CTNNA3: variants seen among roughly 807,000 people sequenced by gnomAD.
CTNNA3 encodes the protein catenin alpha-3.
A neutral mutation model predicts 95.7 loss-of-function variants in CTNNA3; 76 were observed. The observed-to-expected ratio is 0.79, with a 90% confidence interval of 0.66 to 0.96. The LOEUF is 0.96. CTNNA3 is among the 40% of genes least tolerant of loss of function. CTNNA3 has a pLI of 0.00. For missense variants in CTNNA3, 1,191 were observed against 1,089.8 expected, an observed-to-expected ratio of 1.09 and a Z score of -1.31; for synonymous variants, 431 against 374.4, an observed-to-expected ratio of 1.15 and a Z score of -1.74.
rs75735431 is a variant in CTNNA3 at position 67,343,801 on chromosome 10, G to C, written c.580-123931C>G. Among the ~76,000 whole-genome samples the C allele has an allele frequency of 3.1e-3, 464 of 151,708 alleles. 4 individuals are homozygous for C. Among genetic ancestry groups the C allele is most frequent in the African/African-American group, 0.011 (445 of 41,504 alleles). On this transcript the variant is annotated intron_variant, in intron 5 of 17. Coordinates refer to ENST00000433211, the MANE Select transcript of CTNNA3 (RefSeq NM_013266.4). ...TTCCAGTACTATGTTGAATAACAGT[G>C]GTGGAAGTGAGCATCTTTGTGTGTT...
intron 13 of CTNNA3, among the ~76,000 whole-genome samples, chr10:66,151,844 G>T (rs1369065285): frequency 1.3e-5 from 2 of 151,850 alleles, no homozygotes; most frequent in Non-Finnish European, 2.9e-5. Context: ...TTAAAATTAG[G>T]TTGAATAATA....
At chr10:66,727,036 T>C (rs769402915) in intron 9 of CTNNA3, among the ~76,000 whole-genome samples, 1 of 152,116 alleles carries the variant, frequency 6.6e-6, no homozygotes, top group East Asian at 1.9e-4. Flanking sequence ...TTAAATTTCA[T>C]AGATGTGTAA....
chr10:67,580,980 G>A (rs1842371666), intron 3 of CTNNA3, among the ~76,000 whole-genome samples: 1 of 151,768 alleles, frequency 6.6e-6, no homozygotes, highest in South Asian at 2.1e-4. Flanking sequence ...GGGTTTTCTA[G>A]ATATACAATC....
chr10:67,142,776 C>G (rs571801210), intron 7 of CTNNA3, among the ~76,000 whole-genome samples: 1 of 152,128 alleles, frequency 6.6e-6, no homozygotes, highest in Admixed American at 6.5e-5. Flanking sequence ...TAGTAAGATA[C>G]AAAAAATTAG....
chr10:67,751,490 AC>A, intron 1 of CTNNA3, among the ~76,000 whole-genome samples: 1 of 152,308 alleles, frequency 6.6e-6, no homozygotes, highest in African/African-American at 2.4e-5. Context: ...TCTGTCAAGC[AC>A]CAGAAACTCT....
At chr10:67,146,520 C>T (rs1860851579) in intron 7 of CTNNA3, among the ~76,000 whole-genome samples, 1 of 152,136 alleles carries the variant, frequency 6.6e-6, no homozygotes, top group South Asian at 2.1e-4. Context: ...CACATAAACC[C>T]ATCTCAGAGA....
chr10:66,906,097 T>C (rs954960991), intron 7 of CTNNA3, among the ~76,000 whole-genome samples: 1 of 152,196 alleles, frequency 6.6e-6, no homozygotes, highest in Non-Finnish European at 1.5e-5. Flanking sequence ...CAAATAGATC[T>C]ATGTAATAAT....
At chr10:67,738,832 A>C (rs1238265595) in intron 1 of CTNNA3, among the ~76,000 whole-genome samples, 1 of 152,170 alleles carries the variant, frequency 6.6e-6, no homozygotes, top group Admixed American at 6.5e-5. Context: ...AACTGGAAGA[A>C]AGGGTATCAG....
intron 17 of CTNNA3, among the ~76,000 whole-genome samples, chr10:65,932,812 A>G (rs1227619248): frequency 6.6e-6 from 1 of 152,092 alleles, no homozygotes. Context: ...ATCCTTCATC[A>G]TTGAACTTTG....
intron 13 of CTNNA3, among the ~76,000 whole-genome samples, chr10:66,133,751 A>G (rs2083230868): frequency 6.6e-6 from 1 of 152,168 alleles, no homozygotes; most frequent in Non-Finnish European, 1.5e-5. Flanking sequence ...GGTAATAAGG[A>G]TGAAATCTCA....
chr10:66,597,806 G>A (rs1236907344), intron 10 of CTNNA3, among the ~76,000 whole-genome samples: 1 of 151,612 alleles, frequency 6.6e-6, no homozygotes, highest in East Asian at 1.9e-4. Flanking sequence ...AAAAGATAAA[G>A]ACTTTTCCAG....
chr10:67,461,413 A>C (rs942710864), intron 5 of CTNNA3, among the ~76,000 whole-genome samples: 1 of 152,058 alleles, frequency 6.6e-6, no homozygotes. Context: ...TTCCTGACCT[A>C]CTTAGCTTGT....
chr10:67,299,728 A>G (rs1391032653), intron 5 of CTNNA3, among the ~76,000 whole-genome samples: 1 of 152,202 alleles, frequency 6.6e-6, no homozygotes, highest in Non-Finnish European at 1.5e-5. Flanking sequence ...ATGTTTAGAG[A>G]TGGCTTGGAA....
intron 2 of CTNNA3, among the ~76,000 whole-genome samples, chr10:67,630,528 G>A (rs1839110222): frequency 6.6e-6 from 1 of 152,082 alleles, no homozygotes; most frequent in East Asian, 1.9e-4. Context: ...CTGAGATTTG[G>A]GGGTTGTCTT....
intron 1 of CTNNA3, among the ~76,000 whole-genome samples, chr10:67,671,175 A>T (rs1022716222): frequency 6.6e-6 from 1 of 152,100 alleles, no homozygotes; most frequent in Non-Finnish European, 1.5e-5. Flanking sequence ...ATGAGACGGT[A>T]AAGCTTTTGC....
intron 5 of CTNNA3, among the ~76,000 whole-genome samples, chr10:67,349,491 C>T (rs1194385160): frequency 1.3e-5 from 2 of 151,870 alleles, no homozygotes; most frequent in Admixed American, 6.6e-5. Flanking sequence ...TATGAAGTAT[C>T]GAAAATAGTT....
intron 7 of CTNNA3, among the ~76,000 whole-genome samples, chr10:67,051,118 A>T (rs998247881): frequency 2.6e-5 from 4 of 152,242 alleles, no homozygotes; most frequent in Non-Finnish European, 5.9e-5. Flanking sequence ...AGATACAAGC[A>T]ATGCCACAAA....
At chr10:66,171,106 C>A (rs2085403949) in intron 13 of CTNNA3, among the ~76,000 whole-genome samples, 1 of 151,998 alleles carries the variant, frequency 6.6e-6, no homozygotes, top group Non-Finnish European at 1.5e-5. Flanking sequence ...GCACTCCAAC[C>A]TGGGCGACAG....
Position 67,756,103 on chromosome 10 carries a change from T to C in CTNNA3, c.-2+7331A>G, listed in dbSNP as rs537146100. 1.4e-4 allele frequency among the ~76,000 whole-genome samples: 21 copies of C among 151,236 alleles called. No individual in the cohort carries two copies. The East Asian group carries it at 3.9e-3, about 28-fold the overall frequency. On this transcript the variant is annotated intron_variant, in intron 1 of 17. Transcript: ENST00000684154. ...CATGTTCTGACTCATATGTGGGAGG[T>C]AAAACAGTGGATCTTATGAAGATAG...
Sources: allele counts gnomAD v4.1 joint callset (sites outside exome capture counted in the v4.1 genomes callset), GRCh38; gene constraint gnomAD v4.1.1; transcripts MANE v1.5; gene names NCBI Gene and HGNC (gene_info 2026-07-23, HGNC 2026-07-21).